SLC35F3: variants seen among roughly 807,000 people sequenced by gnomAD.
SLC35F3 encodes solute carrier family 35 member F3, also known as putative thiamine transporter SLC35F3.
In SLC35F3, 25 loss-of-function variants were observed where a neutral mutation model predicts 49.9. The ratio of observed to expected loss-of-function variants is 0.50; its 90% confidence interval spans 0.37 to 0.70. The LOEUF is 0.70. Among genes scored for constraint, SLC35F3 ranks in the 30% least tolerant of loss-of-function variants. The pLI, the probability that SLC35F3 is intolerant of heterozygous loss-of-function variation, is 0.00. For synonymous variants in SLC35F3, 275 were observed against 265.4 expected (o/e 1.04, Z -0.35); for missense variants, 525 against 639.8 (o/e 0.82, Z 1.94).
chr1:234,209,331 G>A (rs1667018048), intron 2 of SLC35F3, among the ~76,000 whole-genome samples: 1 of 151,784 alleles, frequency 6.6e-6, no homozygotes, highest in Admixed American at 6.6e-5. Context: ...TCCTAGAATA[G>A]GTTATTATGG....
chr1:234,229,895 A>G (rs972918044), intron 2 of SLC35F3, among the ~76,000 whole-genome samples: 1 of 152,230 alleles, frequency 6.6e-6, no homozygotes, highest in Non-Finnish European at 1.5e-5. Flanking sequence ...GTAGGAGGGC[A>G]TAAGCGCGCA....
At chr1:233,989,066 G>A (rs930030962) in intron 2 of SLC35F3, among the ~76,000 whole-genome samples, 4 of 152,182 alleles carry the variant, frequency 2.6e-5, no homozygotes, top group African/African-American at 9.7e-5. Flanking sequence ...TTTGATGCTG[G>A]ATTGATCCAT....
intron 2 of SLC35F3, among the ~76,000 whole-genome samples, chr1:234,028,941 G>A (rs1002144405): frequency 3.9e-5 from 6 of 152,218 alleles, no homozygotes; most frequent in African/African-American, 7.2e-5. Flanking sequence ...GATGATTTCC[G>A]TGGGGAGCTG....
intron 4 of SLC35F3, among the ~76,000 whole-genome samples, chr1:234,312,053 G>C (rs1252872421): frequency 6.6e-6 from 1 of 152,184 alleles, no homozygotes; most frequent in Admixed American, 6.5e-5. Context: ...AATTGGAGGG[G>C]GTTGATGGAT....
chr1:234,161,135 A>T (rs917307984), intron 2 of SLC35F3, among the ~76,000 whole-genome samples: 2 of 152,200 alleles, frequency 1.3e-5, no homozygotes, highest in Non-Finnish European at 2.9e-5. Context: ...CAACAGGAAG[A>T]ATTACCAGCC....
At chr1:234,245,636 G>C (rs1667620019) in intron 3 of SLC35F3, among the ~76,000 whole-genome samples, 1 of 152,174 alleles carries the variant, frequency 6.6e-6, no homozygotes, top group Admixed American at 6.5e-5. Context: ...ATGATGCTTA[G>C]AGCGTGTGCT....
At chr1:233,948,380 C>T (rs1456599457) in intron 2 of SLC35F3, among the ~76,000 whole-genome samples, 2 of 151,988 alleles carry the variant, frequency 1.3e-5, no homozygotes, top group African/African-American at 2.4e-5. Context: ...CTGGGACTCC[C>T]AGGAGGGATT....
At chr1:234,194,475 G>C (rs1193680600) in intron 2 of SLC35F3, among the ~76,000 whole-genome samples, 1 of 152,116 alleles carries the variant, frequency 6.6e-6, no homozygotes, top group Non-Finnish European at 1.5e-5. Flanking sequence ...AGGGATAAAA[G>C]ACTACAAATT....
chr1:234,003,481 G>A (rs976783027), intron 2 of SLC35F3, among the ~76,000 whole-genome samples: 4 of 152,066 alleles, frequency 2.6e-5, no homozygotes, highest in Non-Finnish European at 5.9e-5. Context: ...AACAAAGTTA[G>A]GCTTCTACAA....
intron 5 of SLC35F3, among the ~76,000 whole-genome samples, chr1:234,318,154 T>C (rs1487850520): frequency 6.6e-6 from 1 of 152,196 alleles, no homozygotes; most frequent in Non-Finnish European, 1.5e-5. Context: ...CAGTTCAGCT[T>C]CTGGCCACTC....
Position 233,982,089 on chromosome 1 carries a change from A to AT in SLC35F3, c.283+76338dup, listed in dbSNP as rs1435543006. On this transcript the variant is annotated intron_variant, in intron 2 of 7. Transcript: ENST00000366618. ...AGGCTTGTGCCACCACGCCCAACTAATTTTTTTAAATTTTTAGTAGAGATG... is the reference window on the plus strand; with the variant it reads ...AGGCTTGTGCCACCACGCCCAACTAATTTTTTTTAAATTTTTAGTAGAGATG... Among the ~76,000 whole-genome samples the AT allele has an allele frequency of 3.9e-5, 6 of 151,990 alleles. No homozygotes were observed. The South Asian group carries it at 8.3e-4, about 21-fold the overall frequency.
chr1:233,990,473 T>C lies in SLC35F3; in HGVS notation c.283+84715T>C, dbSNP rs149576687. Among the ~76,000 whole-genome samples the C allele has an allele frequency of 3.0e-3, 461 of 152,280 alleles. 3 individuals carry two copies. The highest frequency in any genetic ancestry group is 4.4e-3 in the Non-Finnish European group (299 of 68,018). ...AATAATATTCAGGGGGTGGAAAAAA[T>C]GGGACGAAGTTAGTCAAAGGGTACT... On this transcript the variant is annotated intron_variant, in intron 2 of 7. Coordinates refer to ENST00000366618, the MANE Select transcript of SLC35F3 (RefSeq NM_173508.4).
intron 3 of SLC35F3, among the ~76,000 whole-genome samples, chr1:234,296,969 A>AT (rs1668606917): frequency 6.6e-6 from 1 of 152,228 alleles, no homozygotes; most frequent in Non-Finnish European, 1.5e-5. Context: ...AACACAGACA[A>AT]TTAAAAAAAA....
intron 2 of SLC35F3, among the ~76,000 whole-genome samples, chr1:233,916,188 G>A (rs997285551): frequency 3.3e-5 from 5 of 151,994 alleles, no homozygotes; most frequent in African/African-American, 7.2e-5. Context: ...TAATTTCAAA[G>A]GTTTATTCAA....
At chr1:234,143,034 T>TA (rs1412907836) in intron 2 of SLC35F3, among the ~76,000 whole-genome samples, 1 of 152,174 alleles carries the variant, frequency 6.6e-6, no homozygotes, top group African/African-American at 2.4e-5. Flanking sequence ...CTCACTCAGT[T>TA]ACCTTTTCTT....
rs74579072 is a variant in SLC35F3, at chr1:234,151,643, C to G, written c.284-79774C>G. 9.7e-3 allele frequency among the ~76,000 whole-genome samples: 1,478 copies of G among 151,882 alleles called. 15 individuals carry two copies. The highest frequency in any genetic ancestry group is 0.014 in the Non-Finnish European group (973 of 67,928). ...GATTAAACTAGAAGAAACTCAAGAG[C>G]ATATAAACGTAGCGTCGTGCCTTAA... On this transcript the variant is annotated intron_variant, in intron 2 of 7. Coordinates refer to ENST00000366618, the MANE Select transcript of SLC35F3 (RefSeq NM_173508.4).
intron 3 of SLC35F3, among the ~76,000 whole-genome samples, chr1:234,273,554 C>T (rs1572128646): frequency 6.6e-6 from 1 of 152,154 alleles, no homozygotes; most frequent in Admixed American, 6.5e-5. Context: ...CTTTCAGGAT[C>T]GTGAAAATTT....
intron 3 of SLC35F3, among the ~76,000 whole-genome samples, chr1:234,301,388 C>T (rs561283327): frequency 6.6e-6 from 1 of 152,146 alleles, no homozygotes; most frequent in Non-Finnish European, 1.5e-5. Context: ...AGGATATGAA[C>T]AGACACTTCT....
Position 234,004,117 on chromosome 1 carries a change from GCAAA to G in SLC35F3, c.283+98362_283+98365del, listed in dbSNP as rs146554369. The stretch of plus-strand genomic sequence containing the variant: ...TTTAAAATATCTGTCCCAGAGAAAT[GCAAA>G]CATAGATCCACGTGGATACGACAAA... On this transcript the variant is annotated intron_variant, in intron 2 of 7. Coordinates refer to ENST00000366618, the MANE Select transcript of SLC35F3 (RefSeq NM_173508.4). Among the ~76,000 whole-genome samples, 409 of 152,224 alleles carry G rather than the reference GCAAA, an allele frequency of 2.7e-3. 4 individuals are homozygous for G. Among genetic ancestry groups the G allele is most frequent in the Middle Eastern group, 0.01 (3 of 294 alleles).
Sources: gnomAD v4.1 joint callset for allele counts (sites outside exome capture counted in the v4.1 genomes callset) on GRCh38, gnomAD v4.1.1 for gene constraint, MANE v1.5 for transcripts, NCBI Gene and HGNC (gene_info 2026-07-23, HGNC 2026-07-21) for gene names.